ZNF292: variants seen among roughly 807,000 people sequenced by gnomAD.
ZNF292 encodes the protein 16 zinc-finger domain protein.
A neutral mutation model predicts 217.9 loss-of-function variants in ZNF292; 26 were observed. That is an observed-to-expected ratio of 0.12 (90% CI 0.09 to 0.17). The LOEUF (loss-of-function observed/expected upper bound fraction) is 0.17. Ranked by LOEUF, ZNF292 falls within the 10% of genes least tolerant of loss-of-function variation. The pLI is 1.00. For synonymous variants in ZNF292, 1,257 were observed against 1,124.1 expected, an observed-to-expected ratio of 1.12 and a Z score of -2.37; for missense variants, 2,904 against 3,175.2, an observed-to-expected ratio of 0.91 and a Z score of 2.05.
chr6:87,190,860 C>G (rs559457793), intron 1 of ZNF292, among the ~76,000 whole-genome samples: 1 of 152,144 alleles, frequency 6.6e-6, no homozygotes, highest in Non-Finnish European at 1.5e-5. Flanking sequence ...TTTTTCTTTA[C>G]TGTTTCTTCT....
rs746712677 is a variant in ZNF292, at chr6:87,259,368, T to C, written c.5739T>C (p.Ala1913=). The C allele has an allele frequency of 6.2e-7, 1 of 1,612,868 alleles. No homozygotes were observed. The highest frequency in any genetic ancestry group is 2.2e-5 in the East Asian group (1 of 44,854). ...VCQNQGCNYS[A]MTKDALFKHY... ...AAAACCAAGGCTGTAACTACAGTGC[T>C]ATGACAAAGGATGCACTATTTAAGC... The change falls in exon 8 of 8, where the codon GCT becomes GCC. Residue 1913 remains alanine, a synonymous_variant. Coordinates refer to ENST00000369577, the MANE Select transcript of ZNF292 (RefSeq NM_015021.3).
At chr6:87,231,278 T>G (rs1390498904) in intron 4 of ZNF292, among the ~76,000 whole-genome samples, 1 of 152,146 alleles carries the variant, frequency 6.6e-6, no homozygotes, top group African/African-American at 2.4e-5. Flanking sequence ...AGGTTTTTAC[T>G]GCTGTAAGGT....
chr6:87,167,021 G>T (rs1770939387), intron 1 of ZNF292, among the ~76,000 whole-genome samples: 1 of 152,230 alleles, frequency 6.6e-6, no homozygotes, highest in South Asian at 2.1e-4. Context: ...TGTTTTCCGT[G>T]TTCTATTGTT....
At chr6:87,218,854 C>A in intron 4 of ZNF292, 123 bp downstream of exon 4, 1 of 1,067,410 alleles carries the variant, frequency 9.4e-7, no homozygotes, top group Non-Finnish European at 1.3e-6. Context: ...TAAATATCTT[C>A]TGAGGTGTGC....
chr6:87,167,965 C>G (rs915952772), intron 1 of ZNF292, among the ~76,000 whole-genome samples: 2 of 152,180 alleles, frequency 1.3e-5, no homozygotes, highest in Non-Finnish European at 2.9e-5. Context: ...GTTGAAGGCA[C>G]CTATCCTCAC....
intron 4 of ZNF292, among the ~76,000 whole-genome samples, chr6:87,232,407 G>A (rs1773700213): frequency 6.6e-6 from 1 of 152,036 alleles, no homozygotes; most frequent in African/African-American, 2.4e-5. Context: ...AAGATACTGT[G>A]TTTTATTCAT....
At chr6:87,252,706 C>T (rs1160477364) in intron 7 of ZNF292, among the ~76,000 whole-genome samples, 1 of 152,172 alleles carries the variant, frequency 6.6e-6, no homozygotes, top group South Asian at 2.1e-4. Flanking sequence ...TCTTGCATAT[C>T]GTAATAGAGG....
chr6:87,215,553 A>C (rs896242663), intron 1 of ZNF292, among the ~76,000 whole-genome samples: 4 of 152,172 alleles, frequency 2.6e-5, no homozygotes, highest in Admixed American at 6.5e-5. Flanking sequence ...TATTATTTCA[A>C]ATTCTTCACT....
intron 4 of ZNF292, among the ~76,000 whole-genome samples, chr6:87,222,433 G>T (rs1166580350): frequency 6.6e-6 from 1 of 152,092 alleles, no homozygotes; most frequent in East Asian, 1.9e-4. Context: ...AGTGTTTGTG[G>T]CTGTGAAAAA....
At chr6:87,253,552 G>A (rs1389917477) in intron 7 of ZNF292, among the ~76,000 whole-genome samples, 1 of 151,916 alleles carries the variant, frequency 6.6e-6, no homozygotes, top group Non-Finnish European at 1.5e-5. Flanking sequence ...TTAAAAATAC[G>A]TCTCTTCATA....
At chr6:87,180,166 A>G in intron 1 of ZNF292, among the ~76,000 whole-genome samples, 1 of 152,330 alleles carries the variant, frequency 6.6e-6, no homozygotes, top group East Asian at 1.9e-4. Context: ...AAAACAAAAC[A>G]AAAAAACAGA....
At chr6:87,224,268 A>G (rs1466700243) in intron 4 of ZNF292, among the ~76,000 whole-genome samples, 1 of 152,140 alleles carries the variant, frequency 6.6e-6, no homozygotes, top group African/African-American at 2.4e-5. Context: ...TTTGTAATAT[A>G]GTTATTTTGT....
In ZNF292 at chr6:87,160,511, G is replaced by GTA. The variant is rs35783038; in HGVS notation, c.168+4753_168+4754insAT. 1.3e-3 allele frequency among the ~76,000 whole-genome samples: 91 copies of GTA among 68,016 alleles called. No homozygotes were observed. In the South Asian group the frequency reaches 0.025, roughly 19 times the overall value. The allele number at this position is 68,016 out of a possible 152,430, so 44.6% of individuals were successfully genotyped here. ...TATATATGTGTGTGTGTGTGTGTGTGTGTATATATATGCAAGGACCTAGGT... is the reference window on the plus strand; with the variant it reads ...TATATATGTGTGTGTGTGTGTGTGTGTATGTATATATATGCAAGGACCTAGGT... On this transcript the variant is annotated intron_variant, in intron 1 of 7. Coordinates refer to ENST00000369577, the MANE Select transcript of ZNF292 (RefSeq NM_015021.3).
At position 87,259,867 on chromosome 6, in the gene ZNF292, C is replaced by T. The variant is rs752542074; in HGVS notation, c.6238C>T (p.Arg2080Trp). The change falls in exon 8 of 8, where the codon CGG becomes TGG. Residue 2080 changes from arginine to tryptophan, a missense_variant. Transcript: ENST00000369577. ...NALTNTQTKG[R>W]KIRRHKKEKE... ...ACTCACAAACACACAAACCAAAGGA[C>T]GGAAGATTAGGAGGCATAAAAAAGA... is the stretch of plus-strand genomic sequence containing the variant. 4.0e-5 allele frequency: 65 copies of T among 1,613,068 alleles called. No homozygotes were observed. Among genetic ancestry groups the T allele is most frequent in the Admixed American group, 3.8e-4 (23 of 59,794 alleles).
At chr6:87,216,546 G>A (rs1014286140) in intron 3 of ZNF292, among the ~76,000 whole-genome samples, 169 bp downstream of exon 3, 37 of 150,802 alleles carry the variant, frequency 2.5e-4, no homozygotes, top group Non-Finnish European at 5.5e-4. Context: ...ACAAATGTTT[G>A]CTAAATGTAT....
Position 87,260,764 on chromosome 6 carries a change from A to T in ZNF292, c.7135A>T (p.Thr2379Ser). ...KARNDALSEC[T>S]SRFVTQYPCM... Reference sequence around the variant, plus strand: ...TAGAAATGATGCCCTGTCTGAGTGTACAAGCAGATTTGTAACCCAGTATCC... The same window carrying T: ...TAGAAATGATGCCCTGTCTGAGTGTTCAAGCAGATTTGTAACCCAGTATCC... Residue 2379 changes from threonine to serine, a missense_variant, in exon 8 of 8, where the codon ACA becomes TCA. Physicochemically the swap from Thr to Ser is moderately conservative, Grantham distance 58. Around this residue, in one of 15 missense-constraint regions of ZNF292, gnomAD observed 27 missense variants for 52.3 expected, o/e 0.52. Transcript: ENST00000369577. 1 of 1,613,462 alleles carries T rather than the reference A, an allele frequency of 6.2e-7. No homozygotes were observed. Among genetic ancestry groups the T allele is most frequent in the Non-Finnish European group, 8.5e-7 (1 of 1,179,630 alleles).
chr6:87,198,217 T>C (rs1000440905), intron 1 of ZNF292, among the ~76,000 whole-genome samples: 1 of 134,322 alleles, frequency 7.4e-6, no homozygotes, highest in Non-Finnish European at 1.6e-5. Flanking sequence ...TATTTATTTA[T>C]TTTTTGAGAT....
chr6:87,199,198 A>G (rs963905404), intron 1 of ZNF292, among the ~76,000 whole-genome samples: 2 of 152,194 alleles, frequency 1.3e-5, no homozygotes, highest in African/African-American at 2.4e-5. Context: ...TAGCCATTCT[A>G]GTGGATGTGG....
Position 87,235,303 on chromosome 6 carries a change from C to T in ZNF292, c.741+1776C>T, listed in dbSNP as rs547670511. Among the ~76,000 whole-genome samples the T allele has an allele frequency of 5.9e-5, 9 of 152,210 alleles. 2 individuals are homozygous for T. The highest frequency in any genetic ancestry group is 1.4e-4 in the African/African-American group (6 of 41,530). ...GCTTCTCAGATATTTTTCAGTGCCACGAAAGCTTTTATTATCAGTTCAGTC... is the reference window on the plus strand; with the variant it reads ...GCTTCTCAGATATTTTTCAGTGCCATGAAAGCTTTTATTATCAGTTCAGTC... On this transcript the variant is annotated intron_variant, in intron 5 of 7. Transcript: ENST00000369577.
Sources: allele counts gnomAD v4.1 joint callset (sites outside exome capture counted in the v4.1 genomes callset), GRCh38; gene constraint gnomAD v4.1.1; regional missense constraint gnomAD v4.1.1; transcripts MANE v1.5; gene names NCBI Gene and HGNC (gene_info 2026-07-23, HGNC 2026-07-21).